The following LRRC7 variants were observed in gnomAD, a reference collection of about 807,000 sequenced individuals.
The protein encoded by LRRC7 is leucine rich repeat containing 7.
In LRRC7, 23 loss-of-function variants were observed where a neutral mutation model predicts 175.7. That is an observed-to-expected ratio of 0.13 (90% CI 0.09 to 0.19). LRRC7 has a LOEUF of 0.19. Ranked by LOEUF, LRRC7 falls within the 10% of genes least tolerant of loss-of-function variation. LRRC7 has a pLI of 1.00. For synonymous variants in LRRC7, 685 were observed against 680.9 expected (o/e 1.01, Z -0.09); for missense variants, 1,354 against 1,904.7 (o/e 0.71, Z 5.38).
At chr1:69,906,613 A>T (rs1210415383) in intron 7 of LRRC7, among the ~76,000 whole-genome samples, 1 of 151,938 alleles carries the variant, frequency 6.6e-6, no homozygotes, top group South Asian at 2.1e-4. Flanking sequence ...TGTTCCATTG[A>T]TCTATATCTC....
intron 7 of LRRC7, among the ~76,000 whole-genome samples, chr1:69,919,123 A>G (rs374214056): frequency 6.6e-5 from 10 of 152,220 alleles, no homozygotes; most frequent in South Asian, 6.2e-4. Context: ...TTTTTAATAC[A>G]TTGTCTTGGT....
intron 3 of LRRC7, among the ~76,000 whole-genome samples, chr1:69,777,847 C>A (rs184172949): frequency 6.6e-6 from 1 of 152,114 alleles, no homozygotes; most frequent in Non-Finnish European, 1.5e-5. Flanking sequence ...CCAGCCTTTT[C>A]CCCCATTCTA....
intron 23 of LRRC7, among the ~76,000 whole-genome samples, chr1:70,073,372 C>T (rs1662532008): frequency 6.6e-6 from 1 of 152,050 alleles, no homozygotes; most frequent in South Asian, 2.1e-4. Flanking sequence ...AAGGCTATTA[C>T]ACCGGGAGTT....
intron 5 of LRRC7, among the ~76,000 whole-genome samples, chr1:69,828,881 G>T (rs569012266): frequency 6.6e-6 from 1 of 151,992 alleles, no homozygotes; most frequent in African/African-American, 2.4e-5. Context: ...GAGGTCAGAT[G>T]CTTGTAATAT....
chr1:69,810,533 C>T (rs1157281475), intron 4 of LRRC7, among the ~76,000 whole-genome samples: 2 of 152,038 alleles, frequency 1.3e-5, no homozygotes, highest in East Asian at 3.9e-4. Flanking sequence ...TACTACAAGG[C>T]CACAGCAACT....
At chr1:69,944,678 G>C (rs1208540302) in intron 8 of LRRC7, among the ~76,000 whole-genome samples, 1 of 151,336 alleles carries the variant, frequency 6.6e-6, no homozygotes, top group Non-Finnish European at 1.5e-5. Context: ...TTATTATTTT[G>C]GTTTTTTTTT....
intron 16 of LRRC7, among the ~76,000 whole-genome samples, 173 bp from the exon 17 acceptor site, chr1:70,022,953 G>A (rs1459535355): frequency 6.6e-6 from 1 of 152,030 alleles, no homozygotes; most frequent in Non-Finnish European, 1.5e-5. Flanking sequence ...TGACCCTTTA[G>A]CATCATATAA....
rs375720450 is a variant in LRRC7, at chr1:69,877,078, T to C, written c.647+38795T>C. Among the ~76,000 whole-genome samples, 3 of 152,128 alleles carry C rather than the reference T, an allele frequency of 2.0e-5. No homozygotes were observed. The East Asian group carries it at 5.8e-4, about 29-fold the overall frequency. ...AACCCCATGTTACAAGGGGTTGATATGTAAAATAGAAAGCACGAGGAAGGA... is the reference window on the plus strand; with the variant it reads ...AACCCCATGTTACAAGGGGTTGATACGTAAAATAGAAAGCACGAGGAAGGA... On this transcript the variant is annotated intron_variant, in intron 7 of 26. Coordinates refer to ENST00000651989, the MANE Select transcript of LRRC7 (RefSeq NM_001370785.2).
chr1:69,799,733 A>G (rs1676241053), intron 4 of LRRC7, among the ~76,000 whole-genome samples: 1 of 152,000 alleles, frequency 6.6e-6, no homozygotes, highest in South Asian at 2.1e-4. Context: ...TTTTTAGTTT[A>G]ATTGTCTCAA....
chr1:69,929,658 A>G (rs1473409326), intron 7 of LRRC7, among the ~76,000 whole-genome samples: 1 of 152,220 alleles, frequency 6.6e-6, no homozygotes, highest in East Asian at 1.9e-4. Context: ...TATTTGACTT[A>G]TTACATTAGC....
intron 23 of LRRC7, among the ~76,000 whole-genome samples, chr1:70,054,396 CAAAAT>C: frequency 6.6e-6 from 1 of 151,962 alleles, no homozygotes; most frequent in South Asian, 2.1e-4. Context: ...AAGCAAAACT[CAAAAT>C]ATATTATTTA....
chr1:69,877,446 C>T (rs1686143314), intron 7 of LRRC7, among the ~76,000 whole-genome samples: 1 of 152,096 alleles, frequency 6.6e-6, no homozygotes, highest in Non-Finnish European at 1.5e-5. Context: ...GAACAAGACC[C>T]TGTCTCTAAA....
chr1:69,634,292 G>C lies in LRRC7; in HGVS notation c.3-44089G>C, dbSNP rs114689038. 9.9e-3 allele frequency among the ~76,000 whole-genome samples: 1,500 copies of C among 152,138 alleles called. 23 individuals are homozygous for C. The highest frequency in any genetic ancestry group is 0.034 in the African/African-American group (1,431 of 41,514). On this transcript the variant is annotated intron_variant, in intron 1 of 26. Transcript: ENST00000651989. ...CCATGAAGTGTTCCTAAGTAGTCTG[G>C]CTCTAGAGCTTGCTATAGCTACAAG...
intron 9 of LRRC7, among the ~76,000 whole-genome samples, chr1:69,981,562 G>A (rs1416458979): frequency 3.3e-5 from 5 of 152,036 alleles, no homozygotes; most frequent in Non-Finnish European, 5.9e-5. Flanking sequence ...CTAATGTCAG[G>A]GTTACAAAGA....
chr1:69,734,938 T>C (rs965550648), intron 2 of LRRC7, among the ~76,000 whole-genome samples: 1 of 151,866 alleles, frequency 6.6e-6, no homozygotes, highest in African/African-American at 2.4e-5. Context: ...AAAATGTTTC[T>C]AGATTTTTCA....
At chr1:69,635,769 C>T (rs191639374) in intron 1 of LRRC7, among the ~76,000 whole-genome samples, 44 of 151,974 alleles carry the variant, frequency 2.9e-4, no homozygotes, top group Admixed American at 2.7e-3. Context: ...TACTCCAGTA[C>T]CTATGAAACT....
chr1:69,615,589 A>T (rs2764534), intron 1 of LRRC7, among the ~76,000 whole-genome samples: 19,504 of 152,108 alleles, frequency 0.13, 1,588 homozygotes, highest in South Asian at 0.19. Context: ...AGCCACCGTA[A>T]GTGGATTTAT....
At chr1:69,702,467 A>G (rs1663484481) in intron 2 of LRRC7, among the ~76,000 whole-genome samples, 1 of 152,130 alleles carries the variant, frequency 6.6e-6, no homozygotes, top group Admixed American at 6.6e-5. Context: ...TTCCTGCATC[A>G]TTGACCGCAA....
At chr1:70,101,622 G>A (rs1664813893) in intron 25 of LRRC7, among the ~76,000 whole-genome samples, 1 of 152,198 alleles carries the variant, frequency 6.6e-6, no homozygotes, top group South Asian at 2.1e-4. Context: ...GGCAAGGTCA[G>A]ATCTTAACAA....
Sources: allele counts gnomAD v4.1 joint callset (sites outside exome capture counted in the v4.1 genomes callset), GRCh38; gene constraint gnomAD v4.1.1; transcripts MANE v1.5; gene names NCBI Gene and HGNC (gene_info 2026-07-23, HGNC 2026-07-21).